The following PHF6 variants were observed in gnomAD, a reference collection of about 807,000 sequenced individuals.
The protein encoded by PHF6 is PHD-like zinc finger protein.
In PHF6, 7 loss-of-function variants were observed where a neutral mutation model predicts 34.0. The ratio of observed to expected loss-of-function variants is 0.21; its 90% CI spans 0.12 to 0.39. The LOEUF is 0.39. Among genes scored for constraint, PHF6 ranks in the 10% least tolerant of loss-of-function variants. The probability of loss-of-function intolerance (pLI) is 1.00; values close to 1 mark genes in which losing one functional copy is unlikely to be tolerated. For synonymous variants in PHF6, 89 were observed against 88.4 expected (o/e 1.01, Z -0.04); for missense variants, 128 against 262.8 (o/e 0.49, Z 3.55).
chrX:134,400,113 C>CT (rs2077396966), intron 5 of PHF6, among the ~76,000 whole-genome samples: 1 of 111,459 alleles, frequency 9.0e-6, no homozygotes, highest in African/African-American at 3.3e-5. Flanking sequence ...GGGTCTCACT[C>CT]TATCACGCAG....
intron 5 of PHF6, among the ~76,000 whole-genome samples, chrX:134,409,712 A>G (rs1436784365): frequency 9.3e-6 from 1 of 107,697 alleles, no homozygotes; most frequent in Admixed American, 1.0e-4. Context: ...TTACCTGAGT[A>G]TACGATATGA....
In PHF6 at chrX:134,426,655, A is replaced by G. The variant is rs912243425; in HGVS notation, c.*995A>G. 6.3e-6 allele frequency: 1 copy of G among 159,988 alleles called. No homozygotes were observed. Among genetic ancestry groups the G allele is most frequent in the African/African-American group, 3.0e-5 (1 of 33,119 alleles). 13.2% of individuals were successfully genotyped at this position (159,988 alleles called of 1,213,427 possible). ...TTCAGTCATTGCTTTGGTTATCTAT[A>G]AAATAGGCTTTTGTGCCCTACTTTT... On this transcript the variant is annotated 3_prime_UTR_variant, in exon 11 of 11. Coordinates refer to ENST00000370803, the MANE Select transcript of PHF6 (RefSeq NM_001015877.2).
chrX:134,414,049 A>ATT, intron 7 of PHF6, 83 bp downstream of exon 7: 1 of 1,023,809 alleles, frequency 9.8e-7, no homozygotes, highest in Non-Finnish European at 1.3e-6. Flanking sequence ...AGCCCAAATG[A>ATT]TTTTTTTTTT....
At chrX:134,415,809 CTTT>C (rs1462696069) in intron 8 of PHF6, among the ~76,000 whole-genome samples, 1 of 111,011 alleles carries the variant, frequency 9.0e-6, no homozygotes, top group Non-Finnish European at 1.9e-5. Context: ...TCATATAGGC[CTTT>C]TATTCTTGTT....
At chrX:134,395,223 G>A (rs184295238) in intron 5 of PHF6, among the ~76,000 whole-genome samples, 1 of 112,188 alleles carries the variant, frequency 8.9e-6, no homozygotes, top group South Asian at 3.6e-4. Flanking sequence ...TGTGAGCTTG[G>A]TAATAGTAGT....
At chrX:134,373,779 A>C (rs1182442257) in intron 1 of PHF6, among the ~76,000 whole-genome samples, 1 of 108,378 alleles carries the variant, frequency 9.2e-6, no homozygotes. Flanking sequence ...CATATTTGGG[A>C]AAGAGGGAGA....
At chrX:134,414,094 C>A in intron 7 of PHF6, 128 bp downstream of exon 7, 1 of 636,817 alleles carries the variant, frequency 1.6e-6, no homozygotes, top group Non-Finnish European at 2.5e-6. Context: ...AAAATTTCCC[C>A]CCACCAGCAT....
intron 8 of PHF6, 102 bp downstream of exon 8, chrX:134,415,222 G>T: frequency 8.4e-7 from 1 of 1,184,310 alleles, no homozygotes; most frequent in Non-Finnish European, 1.1e-6. Flanking sequence ...ATTTAAAGTA[G>T]TTCGTATGTT....
intron 3 of PHF6, among the ~76,000 whole-genome samples, chrX:134,389,999 G>T (rs1004246693): frequency 1.0e-5 from 1 of 96,346 alleles, no homozygotes; most frequent in African/African-American, 4.1e-5. Context: ...TGAATTGATT[G>T]ATAAAATTTA....
At chrX:134,417,397 G>A (rs2077476035) in intron 9 of PHF6, 95 bp downstream of exon 9, 1 of 933,768 alleles carries the variant, frequency 1.1e-6, no homozygotes, top group Non-Finnish European at 1.5e-6. Context: ...CTTAAATGGT[G>A]TTTAGTTAAG....
At chrX:134,394,796 C>T (rs141502417) in intron 5 of PHF6, among the ~76,000 whole-genome samples, 15,898 of 109,978 alleles carry the variant, frequency 0.14, 1,112 homozygotes, top group East Asian at 0.42. Context: ...GCCTTGGCCT[C>T]CCAAAGTGCT....
intron 7 of PHF6, among the ~76,000 whole-genome samples, chrX:134,414,722 T>G (rs2077465807): frequency 9.0e-6 from 1 of 111,707 alleles, no homozygotes. Context: ...TTTAAAACTT[T>G]GTGGAAATGT....
intron 3 of PHF6, among the ~76,000 whole-genome samples, chrX:134,386,206 C>T (rs2077330682): frequency 9.0e-6 from 1 of 111,285 alleles, no homozygotes; most frequent in East Asian, 2.8e-4. Context: ...ACTTACTTAG[C>T]GTTCAGTAGG....
At chrX:134,387,187 G>T (rs898554758) in intron 3 of PHF6, among the ~76,000 whole-genome samples, 1 of 111,855 alleles carries the variant, frequency 8.9e-6, no homozygotes, top group African/African-American at 3.2e-5. Context: ...AAAGGAGAAT[G>T]AATGTAAGGT....
chrX:134,413,681 TCTTA>T, intron 6 of PHF6, 24 bp downstream of exon 6: 2 of 1,206,016 alleles, frequency 1.7e-6, no homozygotes, highest in Non-Finnish European at 1.1e-6. Flanking sequence ...ACTGTTGGAT[TCTTA>T]CTTTTGTTGC....
chrX:134,405,478 C>T (rs768151903), intron 5 of PHF6, among the ~76,000 whole-genome samples: 19 of 111,774 alleles, frequency 1.7e-4, no homozygotes, highest in Admixed American at 1.5e-3. Flanking sequence ...GGATTACAGG[C>T]GTGAGCCACC....
At chrX:134,383,372 A>G (rs1219275182) in intron 3 of PHF6, among the ~76,000 whole-genome samples, 1 of 111,755 alleles carries the variant, frequency 8.9e-6, no homozygotes, top group African/African-American at 3.3e-5. Context: ...TTCTGTATAA[A>G]TTAAGTATTT....
At chrX:134,406,527 A>C (rs771610405) in intron 5 of PHF6, among the ~76,000 whole-genome samples, 1 of 111,926 alleles carries the variant, frequency 8.9e-6, no homozygotes, top group East Asian at 2.8e-4. Context: ...GAAGAGAATC[A>C]GGAAAGGGAC....
In PHF6 at chrX:134,413,664, A is replaced by G; in HGVS notation, c.585+7A>G. 8.3e-7 allele frequency: 1 copy of G among 1,207,541 alleles called. No individual in the cohort carries two copies. The highest frequency in any genetic ancestry group is 1.1e-6 in the Non-Finnish European group (1 of 891,764). On this transcript the variant is annotated splice_region_variant and intron_variant, in intron 6 of 10. Coordinates refer to ENST00000370803, the MANE Select transcript of PHF6 (RefSeq NM_001015877.2). ...AATGGAAAGTAGTTCCTATGTAAGT[A>G]AAAAAAACTGTTGGATTCTTACTTT...
Sources: allele counts gnomAD v4.1 joint callset (sites outside exome capture counted in the v4.1 genomes callset), GRCh38; gene constraint gnomAD v4.1.1; transcripts MANE v1.5; gene names NCBI Gene and HGNC (gene_info 2026-07-23, HGNC 2026-07-21).